PRKAG2: variants seen among roughly 807,000 people sequenced by gnomAD.
PRKAG2 encodes the protein protein kinase AMP-activated non-catalytic subunit gamma 2.
Under a neutral mutation model 69.6 loss-of-function variants are expected in PRKAG2, and 26 were observed. The observed-to-expected ratio is 0.37, with a 90% CI of 0.27 to 0.52. The LOEUF (loss-of-function observed/expected upper bound fraction) is 0.52. Ranked by LOEUF, PRKAG2 falls within the 20% of genes least tolerant of loss-of-function variation. The pLI is 0.90. For synonymous variants in PRKAG2, 293 were observed against 285.0 expected (o/e 1.03, Z -0.28); for missense variants, 557 against 740.0 (o/e 0.75, Z 2.87).
At chr7:151,764,226 T>G (rs1044052171) in intron 3 of PRKAG2, among the ~76,000 whole-genome samples, 1 of 152,162 alleles carries the variant, frequency 6.6e-6, no homozygotes, top group African/African-American at 2.4e-5. Context: ...GCAGCCGCTT[T>G]GACAGATCTG....
Position 151,583,211 on chromosome 7 carries a change from G to C in PRKAG2, c.865-6759C>G, listed in dbSNP as rs1810889861. Among the ~76,000 whole-genome samples, 1 of 152,066 alleles carries C rather than the reference G, an allele frequency of 6.6e-6. No individual in the cohort carries two copies. The highest frequency in any genetic ancestry group is 6.6e-5 in the Admixed American group (1 of 15,266). On this transcript the variant is annotated intron_variant, in intron 6 of 15. Coordinates refer to ENST00000287878, the MANE Select transcript of PRKAG2 (RefSeq NM_016203.4). The surrounding 1 kb of genome is among the most constrained non-coding windows in gnomAD (Gnocchi z 4.1). ...AATTTTTAAATCTTTTTGTAGAGAT[G>C]GGGTTTTGCCATGTTGCCCGGGCTG...
intron 1 of PRKAG2, among the ~76,000 whole-genome samples, chr7:151,834,805 C>T (rs1305699388): frequency 9.2e-5 from 14 of 152,254 alleles, no homozygotes; most frequent in South Asian, 4.1e-4. Flanking sequence ...ACAACAGAAA[C>T]GCACCATCTC....
chr7:151,720,484 A>C (rs62478182), intron 3 of PRKAG2, among the ~76,000 whole-genome samples: 46,561 of 151,130 alleles, frequency 0.31, 7,589 homozygotes, highest in East Asian at 0.44. Flanking sequence ...ATTTGTGGAA[A>C]ACAATTTTCT....
chr7:151,790,756 A>G (rs1306699290), intron 1 of PRKAG2: 1 of 152,244 alleles, frequency 6.6e-6, no homozygotes, highest in Admixed American at 6.5e-5. Context: ...ACCCTCTAAC[A>G]TTTGTTCAGC....
chr7:151,656,147 C>T (rs1177277686), intron 4 of PRKAG2, among the ~76,000 whole-genome samples: 1 of 152,168 alleles, frequency 6.6e-6, no homozygotes, highest in Admixed American at 6.5e-5. Context: ...ATTCATTTAT[C>T]ATAGCCATTG....
Position 151,781,143 on chromosome 7 carries a change from A to G in PRKAG2, c.466+9T>C. 1 of 1,613,822 alleles carries G rather than the reference A, an allele frequency of 6.2e-7. No individual in the cohort carries two copies. Reference sequence around the variant, plus strand: ...GCACCCACCTGAAACAATAGCATCAAGGTCTTACTTTTTCTGGAGCGGGAG... The same window carrying G: ...GCACCCACCTGAAACAATAGCATCAGGGTCTTACTTTTTCTGGAGCGGGAG... On this transcript the variant is annotated intron_variant, in intron 3 of 15. Transcript: ENST00000287878. The surrounding 1 kb of genome is among the most constrained non-coding windows in gnomAD (Gnocchi z 6.1).
chr7:151,714,208 G>A (rs1001425737), intron 3 of PRKAG2, among the ~76,000 whole-genome samples: 1 of 152,206 alleles, frequency 6.6e-6, no homozygotes, highest in African/African-American at 2.4e-5. Flanking sequence ...CACAGAGTCA[G>A]CGCTCATTAA....
At chr7:151,821,053 G>GTAGAAGAGAGAGCCTC (rs1216334379) in intron 1 of PRKAG2, among the ~76,000 whole-genome samples, 6 of 151,912 alleles carry the variant, frequency 3.9e-5, no homozygotes, top group Admixed American at 6.6e-5. Context: ...CAGAAGGAAA[G>GTAGAAGAGAGAGCCTC]CTGTGGAGAC....
intron 5 of PRKAG2, among the ~76,000 whole-genome samples, chr7:151,610,049 A>AT (rs1442536742): frequency 6.6e-6 from 1 of 152,178 alleles, no homozygotes; most frequent in Non-Finnish European, 1.5e-5. Context: ...ATATGTCAAC[A>AT]TACACAGGGA....
intron 1 of PRKAG2, among the ~76,000 whole-genome samples, chr7:151,848,356 G>A (rs2079485620): frequency 6.6e-6 from 1 of 152,000 alleles, no homozygotes; most frequent in South Asian, 2.1e-4. Context: ...TGGAAGCAGA[G>A]ACCAGGCCCT....
Position 151,710,435 on chromosome 7 carries a change from A to G in PRKAG2, c.467-34798T>C, listed in dbSNP as rs539724135. ...TGCTCCGCTGCCACACTGAGGCCACATGAACCTTCGTGGGAAGAGAAGACC... is the reference window on the plus strand; with the variant it reads ...TGCTCCGCTGCCACACTGAGGCCACGTGAACCTTCGTGGGAAGAGAAGACC... On this transcript the variant is annotated intron_variant, in intron 3 of 15. Coordinates refer to ENST00000287878, the MANE Select transcript of PRKAG2 (RefSeq NM_016203.4). Among the ~76,000 whole-genome samples the G allele has an allele frequency of 2.2e-3, 338 of 152,248 alleles. 2 individuals carry two copies. Among genetic ancestry groups the G allele is most frequent in the African/African-American group, 7.9e-3 (328 of 41,540 alleles).
intron 1 of PRKAG2, among the ~76,000 whole-genome samples, chr7:151,817,582 C>T (rs575867711): frequency 6.6e-6 from 1 of 152,318 alleles, no homozygotes; most frequent in South Asian, 2.1e-4. Context: ...ACCCTCCTGA[C>T]CCTAGAGCTT....
rs1027804210 is a variant in PRKAG2 at position 151,835,414 on chromosome 7, G to A, written c.114+41093C>T. 6.6e-6 allele frequency among the ~76,000 whole-genome samples: 1 copy of A among 151,492 alleles called. No homozygotes were observed. The highest frequency in any genetic ancestry group is 1.5e-5 in the Non-Finnish European group (1 of 67,862). On this transcript the variant is annotated intron_variant, in intron 1 of 15. Transcript: ENST00000287878. The surrounding 1 kb of genome is among the most constrained non-coding windows in gnomAD (Gnocchi z 4.1). Reference sequence around the variant, plus strand: ...TCCCTATGTTGCCCAGGCTGGTCTCGAACTCCTTGGCTCAAGTGATCCTCC... The same window carrying A: ...TCCCTATGTTGCCCAGGCTGGTCTCAAACTCCTTGGCTCAAGTGATCCTCC...
intron 6 of PRKAG2, among the ~76,000 whole-genome samples, chr7:151,590,258 G>T (rs930376949): frequency 6.6e-6 from 1 of 152,218 alleles, no homozygotes; most frequent in Admixed American, 6.5e-5. Context: ...CCAGGTCTGG[G>T]ACCTGCACCC....
intron 3 of PRKAG2, among the ~76,000 whole-genome samples, chr7:151,726,371 GACACACAC>G (rs60238080): frequency 5.4e-5 from 8 of 148,388 alleles, no homozygotes; most frequent in South Asian, 2.3e-4. Flanking sequence ...AGGGAGGCAG[GACACACAC>G]ACACACACAC....
chr7:151,643,822 G>A (rs895209612), intron 4 of PRKAG2, among the ~76,000 whole-genome samples: 1 of 152,154 alleles, frequency 6.6e-6, no homozygotes, highest in Non-Finnish European at 1.5e-5. Context: ...AACAATAAAC[G>A]ATTTCTATTC....
At chr7:151,842,720 G>C (rs989069300) in intron 1 of PRKAG2, among the ~76,000 whole-genome samples, 3 of 151,418 alleles carry the variant, frequency 2.0e-5, no homozygotes, top group Non-Finnish European at 4.4e-5. Flanking sequence ...ATGGTAGGTA[G>C]TGATGGTTGT....
In PRKAG2 at chr7:151,735,885, T is replaced by C. The variant is rs560286482; in HGVS notation, c.466+45267A>G. 11 of 1,536,198 alleles carry C rather than the reference T, an allele frequency of 7.2e-6. No individual in the cohort carries two copies. The South Asian group carries it at 1.3e-4, about 18-fold the overall frequency. ...GGACAGACCACCAGGGGCTCGGGAA[T>C]GGGCAGAGTCCTACCGAAAAGGCCA... On this transcript the variant is annotated intron_variant, in intron 3 of 15. Transcript: ENST00000287878.
chr7:151,795,107 C>T (rs566633519), intron 1 of PRKAG2, among the ~76,000 whole-genome samples: 31 of 152,356 alleles, frequency 2.0e-4, no homozygotes, highest in African/African-American at 7.5e-4. Flanking sequence ...TGAGTCCAGC[C>T]TCTGCTCATC....
Sources: gnomAD v4.1 joint callset for allele counts (sites outside exome capture counted in the v4.1 genomes callset) on GRCh38, gnomAD v4.1.1 for gene constraint, Gnocchi (gnomAD v3.1) non-coding constraint, MANE v1.5 for transcripts, NCBI Gene and HGNC (gene_info 2026-07-23, HGNC 2026-07-21) for gene names.